Variants in DLG2 observed in about 807,000 individuals in gnomAD.
The protein encoded by DLG2 is discs large MAGUK scaffold protein 2.
In DLG2, 45 loss-of-function variants were observed where a neutral mutation model predicts 132.5. The ratio of observed to expected loss-of-function variants is 0.34; its 90% CI spans 0.27 to 0.44. DLG2 has a LOEUF of 0.44. Among genes scored for constraint, DLG2 ranks in the 20% least tolerant of loss-of-function variants. The probability of loss-of-function intolerance (pLI) is 1.00; values close to 1 mark genes in which losing one functional copy is unlikely to be tolerated. For synonymous variants in DLG2, 424 were observed against 419.6 expected (o/e 1.01, Z -0.13); for missense variants, 1,045 against 1,196.9 (o/e 0.87, Z 1.87).
At chr11:83,976,005 T>C (rs182309966) in intron 12 of DLG2, among the ~76,000 whole-genome samples, 21 of 151,786 alleles carry the variant, frequency 1.4e-4, no homozygotes, top group Admixed American at 3.9e-4. Flanking sequence ...CAAGCAAGAG[T>C]TGATAAAAGA....
At chr11:83,731,197 G>T (rs144642355) in intron 18 of DLG2, among the ~76,000 whole-genome samples, 1 of 152,096 alleles carries the variant, frequency 6.6e-6, no homozygotes, top group South Asian at 2.1e-4. Context: ...GTATACATGT[G>T]CCATGGTGTT....
chr11:84,499,855 T>C (rs1476043075), intron 7 of DLG2, among the ~76,000 whole-genome samples: 1 of 152,134 alleles, frequency 6.6e-6, no homozygotes, highest in Admixed American at 6.5e-5. Flanking sequence ...GGAGGTAAGA[T>C]TGTAGACACT....
chr11:85,007,282 T>G (rs537828931), intron 6 of DLG2, among the ~76,000 whole-genome samples: 1 of 152,202 alleles, frequency 6.6e-6, no homozygotes, highest in South Asian at 2.1e-4. Context: ...ATAATCTATG[T>G]GAAATGACCT....
chr11:84,073,043 G>T (rs2096779754), intron 10 of DLG2, among the ~76,000 whole-genome samples: 1 of 152,234 alleles, frequency 6.6e-6, no homozygotes, highest in African/African-American at 2.4e-5. Context: ...TGTGGTTTAT[G>T]ACTTGAGGGA....
chr11:84,320,850 G>T (rs2098400609), intron 7 of DLG2, among the ~76,000 whole-genome samples: 1 of 152,066 alleles, frequency 6.6e-6, no homozygotes, highest in African/African-American at 2.4e-5. Flanking sequence ...GTGTTGATGG[G>T]GAAGGGGTTA....
At chr11:83,773,080 G>C (rs140708890) in intron 18 of DLG2, among the ~76,000 whole-genome samples, 3 of 152,322 alleles carry the variant, frequency 2.0e-5, no homozygotes, top group African/African-American at 7.2e-5. Flanking sequence ...TGGAAAGCCT[G>C]ATAATTCTAT....
intron 7 of DLG2, among the ~76,000 whole-genome samples, chr11:84,362,901 A>C (rs375466063): frequency 6.6e-6 from 1 of 151,974 alleles, no homozygotes; most frequent in Admixed American, 6.6e-5. Context: ...TCTTAATCCA[A>C]TCTATCATTG....
intron 7 of DLG2, among the ~76,000 whole-genome samples, chr11:84,398,830 T>C (rs2098819756): frequency 6.6e-6 from 1 of 152,208 alleles, no homozygotes; most frequent in Non-Finnish European, 1.5e-5. Context: ...CTCAGCCCAA[T>C]TTATGAAGCA....
intron 11 of DLG2, among the ~76,000 whole-genome samples, chr11:84,012,922 A>G (rs2094964977): frequency 6.6e-6 from 1 of 152,176 alleles, no homozygotes; most frequent in African/African-American, 2.4e-5. Flanking sequence ...TTTTTTCTCT[A>G]TATTAATTAA....
At position 85,384,577 on chromosome 11, in the gene DLG2, T is replaced by C. The variant is rs138030658; in HGVS notation, c.41-99212A>G. Among the ~76,000 whole-genome samples the C allele has an allele frequency of 1.8e-3, 267 of 152,306 alleles. 1 individual carries two copies. Among genetic ancestry groups the C allele is most frequent in the African/African-American group, 6.2e-3 (259 of 41,562 alleles). ...AATATTTTTTGTTTGTTTTTTTGTT[T>C]GTTTGTTTTGAGAAACAGTCTCACT... On this transcript the variant is annotated intron_variant, in intron 3 of 27. Coordinates refer to ENST00000376104, the MANE Select transcript of DLG2 (RefSeq NM_001142699.3).
At chr11:85,135,707 C>A (rs2076096589) in intron 5 of DLG2, among the ~76,000 whole-genome samples, 1 of 152,148 alleles carries the variant, frequency 6.6e-6, no homozygotes, top group South Asian at 2.1e-4. Context: ...TCTATATCAC[C>A]CTCTAAAATG....
chr11:84,377,469 T>C (rs979996897), intron 7 of DLG2, among the ~76,000 whole-genome samples: 1 of 151,990 alleles, frequency 6.6e-6, no homozygotes, highest in African/African-American at 2.4e-5. Flanking sequence ...TATTAGATAA[T>C]AGTAAAGACA....
intron 6 of DLG2, among the ~76,000 whole-genome samples, chr11:85,079,619 C>T (rs2066989722): frequency 6.6e-6 from 1 of 152,048 alleles, no homozygotes; most frequent in South Asian, 2.1e-4. Flanking sequence ...TGGGTCTATC[C>T]TGTCCCTTGG....
At chr11:85,301,067 G>A (rs980776399) in intron 3 of DLG2, among the ~76,000 whole-genome samples, 2 of 152,078 alleles carry the variant, frequency 1.3e-5, no homozygotes, top group Non-Finnish European at 2.9e-5. Flanking sequence ...TGGGTGTGGT[G>A]GTGCATGCCT....
At chr11:84,858,442 T>C (rs993880736) in intron 6 of DLG2, among the ~76,000 whole-genome samples, 2 of 152,030 alleles carry the variant, frequency 1.3e-5, no homozygotes, top group African/African-American at 4.8e-5. Context: ...GGCTCTGAAA[T>C]TGTGCATTTG....
At chr11:84,912,402 C>A (rs562310264) in intron 6 of DLG2, among the ~76,000 whole-genome samples, 1 of 152,304 alleles carries the variant, frequency 6.6e-6, no homozygotes, top group East Asian at 1.9e-4. Context: ...GTGATCCGCC[C>A]GCCTGGGCCT....
chr11:84,109,213 G>C (rs895088081), intron 9 of DLG2, among the ~76,000 whole-genome samples: 1 of 152,130 alleles, frequency 6.6e-6, no homozygotes, highest in Admixed American at 6.5e-5. Flanking sequence ...CAAGATGCTG[G>C]CCAGAAAATA....
intron 6 of DLG2, among the ~76,000 whole-genome samples, chr11:84,658,544 G>A (rs189827358): frequency 6.6e-6 from 1 of 152,206 alleles, no homozygotes; most frequent in African/African-American, 2.4e-5. Context: ...AATGCTAAAG[G>A]TAGGGTCTGG....
chr11:83,690,914 G>A (rs1001192489), intron 18 of DLG2, among the ~76,000 whole-genome samples: 2 of 152,122 alleles, frequency 1.3e-5, no homozygotes, highest in African/African-American at 4.8e-5. Context: ...ATGTATTTAT[G>A]TATTGTCTAT....
Sources: allele counts gnomAD v4.1 joint callset (sites outside exome capture counted in the v4.1 genomes callset), GRCh38; gene constraint gnomAD v4.1.1; transcripts MANE v1.5; gene names NCBI Gene and HGNC (gene_info 2026-07-23, HGNC 2026-07-21).